Variants in DRICH1 observed in about 807,000 individuals in gnomAD.
DRICH1 encodes aspartate-rich protein 1.
In DRICH1, 38 loss-of-function variants were observed where a neutral mutation model predicts 39.5. The ratio of observed to expected loss-of-function variants is 0.96; its 90% CI spans 0.74 to 1.26. DRICH1 has a LOEUF of 1.26. Among genes scored for constraint, DRICH1 ranks in the 50% most tolerant of loss-of-function variants. The pLI, the probability that DRICH1 is intolerant of heterozygous loss-of-function variation, is 0.00. For synonymous variants in DRICH1, 84 were observed against 99.5 expected (o/e 0.84, Z 0.93); for missense variants, 279 against 270.4 (o/e 1.03, Z -0.22).
At chr22:23,626,152 C>T (rs1928050309) in intron 1 of DRICH1, 104 bp from the exon 2 acceptor site, 8 of 744,838 alleles carry the variant, frequency 1.1e-5, no homozygotes, top group East Asian at 2.5e-5. Flanking sequence ...ACTGAAGGTT[C>T]GGAGACCATC....
At chr22:23,587,843 AG>A in the DRICH1 span, among the ~76,000 whole-genome samples, 1 of 152,216 alleles carries the variant, frequency 6.6e-6, no homozygotes, top group Admixed American at 6.5e-5. Context: ...CTTGAGCTTC[AG>A]TGCCCACCTT....
chr22:23,588,975 G>A, the DRICH1 span, among the ~76,000 whole-genome samples: 3 of 152,010 alleles, frequency 2.0e-5, no homozygotes, highest in African/African-American at 4.8e-5. Context: ...TGCTTCTGCC[G>A]AACATGATGA....
At chr22:23,601,874 C>A in the DRICH1 span, among the ~76,000 whole-genome samples, 1 of 152,242 alleles carries the variant, frequency 6.6e-6, no homozygotes, top group Non-Finnish European at 1.5e-5. Flanking sequence ...CCAGTGGTTG[C>A]CGTGGTTGGG....
chr22:23,600,043 T>C, the DRICH1 span, among the ~76,000 whole-genome samples: 1 of 152,116 alleles, frequency 6.6e-6, no homozygotes, highest in Non-Finnish European at 1.5e-5. Context: ...TGTGTGTGTG[T>C]ACGGACAGAT....
In DRICH1 at chr22:23,631,764, G is replaced by A. The variant is rs1437009253; in HGVS notation, c.208+52C>T. On this transcript the variant is annotated intron_variant, in intron 1 of 11. Transcript: ENST00000317749. ...GGGGATGAGGGTAAGGGAAGGGGGT[G>A]GGGGTGGCCAGAGGTGTGCCAGAGG... 4.3e-6 allele frequency: 6 copies of A among 1,408,312 alleles called. No homozygotes were observed. In the African/African-American group the frequency reaches 8.5e-5, roughly 20 times the overall value. The allele number at this position is 1,408,312 out of a possible 1,614,324, so 87.2% of individuals were successfully genotyped here.
chr22:23,610,759 T>C (rs1435119178), intron 11 of DRICH1, among the ~76,000 whole-genome samples: 1 of 152,182 alleles, frequency 6.6e-6, no homozygotes, highest in African/African-American at 2.4e-5. Flanking sequence ...CAGTCCCACA[T>C]AGAACACATC....
At chr22:23,597,502 C>CAAAAAA in the DRICH1 span, among the ~76,000 whole-genome samples, 1,320 of 106,356 alleles carry the variant, frequency 0.012, 20 homozygotes, top group Middle Eastern at 0.02. Context: ...GACCCTGTCT[C>CAAAAAA]AAAAAAAAAA....
chr22:23,595,957 A>AGGG, the DRICH1 span, among the ~76,000 whole-genome samples: 1 of 152,162 alleles, frequency 6.6e-6, no homozygotes, highest in Non-Finnish European at 1.5e-5. Flanking sequence ...AAAACACATC[A>AGGG]TCTTACATCC....
At chr22:23,582,858 G>T in the DRICH1 span, among the ~76,000 whole-genome samples, 1 of 138,160 alleles carries the variant, frequency 7.2e-6, no homozygotes, top group Non-Finnish European at 1.6e-5. Flanking sequence ...ATCGTGCCCG[G>T]CCAATTATCA....
At chr22:23,591,866 C>G in the DRICH1 span, among the ~76,000 whole-genome samples, 1 of 152,196 alleles carries the variant, frequency 6.6e-6, no homozygotes, top group Non-Finnish European at 1.5e-5. Flanking sequence ...GGCTCAAACC[C>G]CAAATTTGGC....
downstream of DRICH1, among the ~76,000 whole-genome samples, chr22:23,606,577 G>A (rs958665663): frequency 9.2e-5 from 14 of 152,208 alleles, no homozygotes; most frequent in East Asian, 5.8e-4. Flanking sequence ...GGTCTGACCA[G>A]GCGTGAGTCT....
At chr22:23,619,275 CAA>C (rs1927565574) in intron 6 of DRICH1, 87 bp downstream of exon 6, 3 of 701,874 alleles carry the variant, frequency 4.3e-6, no homozygotes, top group East Asian at 5.4e-5. Flanking sequence ...AAAAAACATA[CAA>C]ATAAGTTGAA....
At chr22:23,619,166 C>A (rs1462923631) in intron 6 of DRICH1, among the ~76,000 whole-genome samples, 198 bp downstream of exon 6, 1 of 122,924 alleles carries the variant, frequency 8.1e-6, no homozygotes, top group East Asian at 2.5e-4. Context: ...AGTGAGACTC[C>A]GTCTCAAAAA....
intron 11 of DRICH1, among the ~76,000 whole-genome samples, chr22:23,610,011 G>A (rs960660096): frequency 1.3e-5 from 2 of 151,932 alleles, no homozygotes; most frequent in African/African-American, 2.4e-5. Flanking sequence ...AGGTCCTTAC[G>A]AACCATCTCC....
chr22:23,596,163 G>C, the DRICH1 span, among the ~76,000 whole-genome samples: 16,973 of 152,086 alleles, frequency 0.11, 1,015 homozygotes, highest in Middle Eastern at 0.15. Context: ...TCTCCTTTCT[G>C]TCTCTTCTGA....
At chr22:23,582,569 T>TATTATTATTATTATTA in the DRICH1 span, among the ~76,000 whole-genome samples, 1 of 148,982 alleles carries the variant, frequency 6.7e-6, no homozygotes, top group Non-Finnish European at 1.5e-5. Context: ...TTATTATTAT[T>TATTATTATTATTATTA]ATTATTATTA....
the DRICH1 span, among the ~76,000 whole-genome samples, chr22:23,599,094 T>C: frequency 6.6e-6 from 1 of 152,204 alleles, no homozygotes; most frequent in South Asian, 2.1e-4. Flanking sequence ...TTATAAATGG[T>C]ACAGGGACAA....
At chr22:23,617,740 T>C in intron 6 of DRICH1, 83 bp from the exon 7 acceptor site, 1 of 1,330,094 alleles carries the variant, frequency 7.5e-7, no homozygotes, top group Non-Finnish European at 1.1e-6. Flanking sequence ...ATGTGGTATA[T>C]GGAGGTGGTT....
At position 23,613,630 on chromosome 22, in the gene DRICH1, G is replaced by A. The variant is rs751411724; in HGVS notation, c.643+9C>T. ...TCCCTCAGGAAGTGAGTTATCTCAT[G>A]GTACATACCACTTTCTATCCGAGCT... On this transcript the variant is annotated intron_variant, in intron 10 of 11. Transcript: ENST00000317749. The A allele has an allele frequency of 1.7e-5, 28 of 1,600,200 alleles. No homozygotes were observed. The highest frequency in any genetic ancestry group is 4.5e-5 in the East Asian group (2 of 44,810).
Sources: gnomAD v4.1 joint callset for allele counts (sites outside exome capture counted in the v4.1 genomes callset) on GRCh38, gnomAD v4.1.1 for gene constraint, MANE v1.5 for transcripts, NCBI Gene and HGNC (gene_info 2026-07-23, HGNC 2026-07-21) for gene names.